PADI2: variants seen among roughly 807,000 people sequenced by gnomAD.
PADI2 encodes protein-arginine deiminase type-2.
Under a neutral mutation model 81.1 loss-of-function variants are expected in PADI2, and 70 were observed. The observed-to-expected ratio is 0.86, with a 90% CI of 0.71 to 1.05. The LOEUF (loss-of-function observed/expected upper bound fraction) is 1.05. Ranked by LOEUF, PADI2 falls within the 50% of genes least tolerant of loss-of-function variation. The pLI, the probability that PADI2 is intolerant of heterozygous loss-of-function variation, is 0.00. For synonymous variants in PADI2, 338 were observed against 358.0 expected (o/e 0.94, Z 0.63); for missense variants, 853 against 889.9 (o/e 0.96, Z 0.53).
At chr1:17,089,767 T>A (rs1373043924) in intron 6 of PADI2, among the ~76,000 whole-genome samples, 1 of 152,178 alleles carries the variant, frequency 6.6e-6, no homozygotes, top group African/African-American at 2.4e-5. Context: ...GCCAGCTTTC[T>A]CTGCAGGAAC....
At chr1:17,114,060 G>C (rs1357973253) in intron 1 of PADI2, among the ~76,000 whole-genome samples, 1 of 152,238 alleles carries the variant, frequency 6.6e-6, no homozygotes, top group African/African-American at 2.4e-5. Flanking sequence ...CCCGTTTGGG[G>C]TTGAGGGCTC....
intron 5 of PADI2, 145 bp downstream of exon 5, chr1:17,093,422 G>A: frequency 1.5e-6 from 1 of 654,142 alleles, no homozygotes; most frequent in Admixed American, 2.5e-5. Context: ...TTTTGCCTTT[G>A]GCTTTAAGCA....
intron 1 of PADI2, among the ~76,000 whole-genome samples, chr1:17,112,378 C>T (rs1464703950): frequency 2.6e-5 from 4 of 152,074 alleles, no homozygotes; most frequent in Admixed American, 6.5e-5. Context: ...GGGCATGAAG[C>T]GCCTGCTCCT....
chr1:17,075,731 G>C lies in PADI2; in HGVS notation c.1403C>G (p.Thr468Ser), dbSNP rs376936346. Reference sequence around the variant, plus strand: ...CATGAACTCATCCACGTGGCCCACAGTCAGCCAGTCTGAGTAGAGCTCCAC... The same window carrying C: ...CATGAACTCATCCACGTGGCCCACACTCAGCCAGTCTGAGTAGAGCTCCAC... ...APVELYSDWLTVGHVDEFMSF... is the reference protein window; with the variant it reads ...APVELYSDWLSVGHVDEFMSF... Residue 468 changes from threonine (T) to serine (S), a missense_variant, in exon 12 of 16, where the codon ACT becomes AGT. Thr to Ser is a moderately conservative substitution (Grantham distance 58). Transcript: ENST00000375486. The C allele has an allele frequency of 6.2e-6, 10 of 1,614,022 alleles. No individual in the cohort carries two copies. Among genetic ancestry groups the C allele is most frequent in the Non-Finnish European group, 8.5e-6 (10 of 1,180,018 alleles).
At chr1:17,105,109 G>A in intron 1 of PADI2, 48 bp from the exon 2 acceptor site, 1 of 1,369,852 alleles carries the variant, frequency 7.3e-7, no homozygotes, top group Non-Finnish European at 9.7e-7. Context: ...GGGGTAGGTG[G>A]GATGAGGGGC....
chr1:17,091,505 G>A (rs1231817087), intron 6 of PADI2, among the ~76,000 whole-genome samples: 2 of 152,040 alleles, frequency 1.3e-5, no homozygotes, highest in Non-Finnish European at 2.9e-5. Context: ...CGAGCTGACT[G>A]ACCTTGACTC....
At chr1:17,108,916 C>T (rs962186295) in intron 1 of PADI2, among the ~76,000 whole-genome samples, 10 of 152,260 alleles carry the variant, frequency 6.6e-5, no homozygotes, top group African/African-American at 2.4e-4. Context: ...AAGCATTCCT[C>T]TCCTGCAAGT....
chr1:17,069,178 G>A lies in PADI2; in HGVS notation c.1864C>T (p.Leu622=). The A allele has an allele frequency of 6.2e-7, 1 of 1,614,240 alleles. No homozygotes were observed. The highest frequency in any genetic ancestry group is 8.5e-7 in the Non-Finnish European group (1 of 1,180,022). The stretch of plus-strand genomic sequence containing the variant: ...GTGCATTCGAGGCCCAGGGGCTCCA[G>A]GAGGCCACGCACGTGCATCTCCAGG... The part of the protein sequence containing the change: ...CCLEMHVRGL[L]EPLGLECTFI... Residue 622 remains leucine (L), a synonymous_variant, in exon 16 of 16, where the codon CTG becomes TTG. Coordinates refer to ENST00000375486, the MANE Select transcript of PADI2 (RefSeq NM_007365.3).
chr1:17,089,475 T>TG (rs1255269212), intron 6 of PADI2, among the ~76,000 whole-genome samples: 1 of 152,128 alleles, frequency 6.6e-6, no homozygotes, highest in Non-Finnish European at 1.5e-5. Flanking sequence ...TCAGAGCACC[T>TG]GGGGGGCTCC....
rs3818032 is a variant in PADI2 at position 17,075,760 on chromosome 1, C to T, written c.1374G>A (p.Ala458=). 0.63 allele frequency: 1,021,035 copies of T among 1,612,838 alleles called. 326,007 individuals are homozygous for T. Among genetic ancestry groups the T allele is most frequent in the Middle Eastern group, 0.71 (4,318 of 6,060 alleles). ...GCCAGTCTGAGTAGAGCTCCACGGGCGCCTGCACCTGCTGGGCCTTCAGGA... is the reference window on the plus strand; with the variant it reads ...GCCAGTCTGAGTAGAGCTCCACGGGTGCCTGCACCTGCTGGGCCTTCAGGA... ...RDFLKAQQVQ[A]PVELYSDWLT... is the part of the protein sequence containing the mutation. Residue 458 remains alanine (A), a synonymous_variant, in exon 12 of 16, where the codon GCG becomes GCA. Transcript: ENST00000375486.
chr1:17,082,083 C>A lies in PADI2; in HGVS notation c.1158+462G>T, dbSNP rs143587158. Among the ~76,000 whole-genome samples the A allele has an allele frequency of 4.1e-3, 622 of 152,280 alleles. 4 individuals carry two copies. The highest frequency in any genetic ancestry group is 0.014 in the African/African-American group (591 of 41,548). ...AGCCACTGCATTTCAGCCTGGGCGA[C>A]AGAGCAAGACTCTTGTCTCAGAAAA... On this transcript the variant is annotated intron_variant, in intron 10 of 15. Transcript: ENST00000375486.
At chr1:17,109,529 C>T (rs1216729084) in intron 1 of PADI2, among the ~76,000 whole-genome samples, 1 of 150,770 alleles carries the variant, frequency 6.6e-6, no homozygotes, top group Non-Finnish European at 1.5e-5. Context: ...CGTGCTCTGT[C>T]ATCCAGGCTG....
At chr1:17,070,006 G>C (rs2078253672) in intron 15 of PADI2, 82 bp downstream of exon 15, 1 of 1,491,928 alleles carries the variant, frequency 6.7e-7, no homozygotes, top group Admixed American at 2.1e-5. Context: ...CTCCCCATTG[G>C]ACAGCTTCAG....
rs1022273249 is a variant in PADI2, at chr1:17,119,382, G to T, written c.-11C>A. 10 of 1,524,102 alleles carry T rather than the reference G, an allele frequency of 6.6e-6. No homozygotes were observed. Among genetic ancestry groups the T allele is most frequent in the Non-Finnish European group, 8.8e-6 (10 of 1,135,572 alleles). 94.4% of individuals were successfully genotyped at this position (1,524,102 alleles called of 1,614,324 possible). A position where few individuals can be genotyped will look rare whatever the true frequency, so the allele number is the denominator to read the frequency against. On this transcript the variant is annotated 5_prime_UTR_variant, in exon 1 of 16. Transcript: ENST00000375486. This position sits in a 1 kb window ranked among gnomAD's most constrained non-coding sequence, Gnocchi z 4.8. The stretch of plus-strand genomic sequence containing the variant: ...CCGCTCGCGCAGCATCCTCCCCGCC[G>T]CAGTGCCCGCGCTCGCTGGTCCGGG...
chr1:17,077,171 CA>C (rs934562844), intron 11 of PADI2, among the ~76,000 whole-genome samples: 1 of 152,084 alleles, frequency 6.6e-6, no homozygotes, highest in South Asian at 2.1e-4. Flanking sequence ...GTCACATCTT[CA>C]AAAAAACAAC....
chr1:17,076,227 T>G (rs535135764), intron 11 of PADI2, among the ~76,000 whole-genome samples: 3 of 151,798 alleles, frequency 2.0e-5, no homozygotes, highest in African/African-American at 7.3e-5. Context: ...CTTTTTTTTT[T>G]CCCCCGAGAT....
At chr1:17,079,532 G>T in intron 10 of PADI2, 117 bp from the exon 11 acceptor site, 3 of 798,864 alleles carry the variant, frequency 3.8e-6, no homozygotes, top group Non-Finnish European at 6.0e-6. Flanking sequence ...GTTTCCAGGT[G>T]GGTTGTCCAC....
intron 13 of PADI2, among the ~76,000 whole-genome samples, chr1:17,073,545 T>C (rs2078279150): frequency 6.6e-6 from 1 of 152,140 alleles, no homozygotes; most frequent in Admixed American, 6.5e-5. Context: ...AGATTAGGTA[T>C]ATTTTATCAC....
chr1:17,106,361 C>T (rs1048101911), intron 1 of PADI2, among the ~76,000 whole-genome samples: 2 of 152,216 alleles, frequency 1.3e-5, no homozygotes, highest in East Asian at 1.9e-4. Context: ...AAGCCTTCAC[C>T]CTCAGTGTCA....
Sources: allele counts gnomAD v4.1 joint callset (sites outside exome capture counted in the v4.1 genomes callset), GRCh38; gene constraint gnomAD v4.1.1; non-coding constraint Gnocchi (gnomAD v3.1); transcripts MANE v1.5; gene names NCBI Gene and HGNC (gene_info 2026-07-23, HGNC 2026-07-21).